Variants in GSE1 observed in about 807,000 individuals in gnomAD.
GSE1 encodes the protein Gse1 coiled-coil protein.
Under a neutral mutation model 112.6 loss-of-function variants are expected in GSE1, and 32 were observed. The observed-to-expected ratio is 0.28, with a 90% CI of 0.21 to 0.38. GSE1 has a LOEUF of 0.38. Ranked by LOEUF, GSE1 falls within the 10% of genes least tolerant of loss-of-function variation. The pLI is 1.00. For synonymous variants in GSE1, 1,115 were observed against 735.6 expected (o/e 1.52, Z -8.35); for missense variants, 2,348 against 1,699.2 (o/e 1.38, Z -6.71).
intron 2 of GSE1, among the ~76,000 whole-genome samples, chr16:85,644,262 C>T (rs528244092): frequency 6.6e-6 from 1 of 151,894 alleles, no homozygotes; most frequent in African/African-American, 2.4e-5. Flanking sequence ...TCACTTGAAC[C>T]CAGGAGGTTG....
intron 2 of GSE1, among the ~76,000 whole-genome samples, chr16:85,643,363 C>T (rs566410058): frequency 2.2e-4 from 34 of 152,318 alleles, no homozygotes; most frequent in South Asian, 1.2e-3. Context: ...GTTGTGGGGG[C>T]ATCGATCGAG....
intron 1 of GSE1, among the ~76,000 whole-genome samples, chr16:85,261,568 A>G (rs890930008): frequency 2.6e-5 from 4 of 152,186 alleles, no homozygotes; most frequent in Non-Finnish European, 5.9e-5. Flanking sequence ...AGGCCAGGAC[A>G]GGCTCAGAGT....
intron 1 of GSE1, among the ~76,000 whole-genome samples, chr16:85,200,044 C>T (rs966014116): frequency 6.6e-6 from 1 of 152,200 alleles, no homozygotes; most frequent in Non-Finnish European, 1.5e-5. Flanking sequence ...TGGGCTGTCA[C>T]CCTGCCTTCT....
chr16:85,383,457 A>C (rs763325665), intron 2 of GSE1, among the ~76,000 whole-genome samples: 1 of 151,232 alleles, frequency 6.6e-6, no homozygotes, highest in Non-Finnish European at 1.5e-5. Flanking sequence ...ACATGTACAC[A>C]CAGTCTGTCA....
intron 1 of GSE1, among the ~76,000 whole-genome samples, chr16:85,231,782 G>A (rs550472300): frequency 2.0e-5 from 3 of 152,298 alleles, no homozygotes; most frequent in South Asian, 4.1e-4. Context: ...GGTTATTTCT[G>A]CTCTTTTCTC....
chr16:85,213,857 C>T (rs2075266732), intron 1 of GSE1, among the ~76,000 whole-genome samples: 1 of 152,244 alleles, frequency 6.6e-6, no homozygotes, highest in South Asian at 2.1e-4. Flanking sequence ...CTCACAGGCC[C>T]TGAGGACAGA....
chr16:85,252,916 C>T (rs992330383), intron 1 of GSE1, among the ~76,000 whole-genome samples: 1 of 152,170 alleles, frequency 6.6e-6, no homozygotes, highest in Non-Finnish European at 1.5e-5. Context: ...CTTGCAGGGG[C>T]CTTCGTGGAG....
chr16:85,635,383 A>G (rs1418383471), intron 2 of GSE1, among the ~76,000 whole-genome samples: 1 of 151,856 alleles, frequency 6.6e-6, no homozygotes, highest in Admixed American at 6.6e-5. Context: ...TTGGCAGGGG[A>G]CTCCCTGGCC....
At chr16:85,298,663 G>A (rs1425809101) in intron 1 of GSE1, among the ~76,000 whole-genome samples, 1 of 152,218 alleles carries the variant, frequency 6.6e-6, no homozygotes, top group Non-Finnish European at 1.5e-5. Flanking sequence ...CTGACCTCAA[G>A]TGATCCACCT....
At chr16:85,371,325 G>A (rs1189740478) in intron 2 of GSE1, among the ~76,000 whole-genome samples, 1 of 152,228 alleles carries the variant, frequency 6.6e-6, no homozygotes, top group African/African-American at 2.4e-5. Flanking sequence ...AGGAGCCAGG[G>A]AGTGGGTCTT....
At chr16:85,662,886 C>T (rs924343565) in intron 9 of GSE1, 95 bp from the exon 10 acceptor site, 1 of 873,454 alleles carries the variant, frequency 1.1e-6, no homozygotes, top group Non-Finnish European at 1.9e-6. Context: ...CAGGCCTGGC[C>T]TGATAGGTGC....
chr16:85,346,644 T>C (rs2046746871), intron 1 of GSE1, among the ~76,000 whole-genome samples: 1 of 147,670 alleles, frequency 6.8e-6, no homozygotes, highest in Non-Finnish European at 1.5e-5. Context: ...GACAGGTAGA[T>C]GGATAAGTGG....
Position 85,311,535 on chromosome 16 carries a change from G to T in GSE1, c.2284-45928G>T, listed in dbSNP as rs1278746111. ...GGGAGGGAGGGAAGGAGGTGCCGGG[G>T]TGCTCACCTTCCCCGAGGCTTTGTT... On this transcript the variant is annotated intron_variant, in intron 1 of 2. Coordinates refer to the GSE1 transcript ENST00000637419. This position sits in a 1 kb window ranked among gnomAD's most constrained non-coding sequence, Gnocchi z 4.2. 1.3e-5 allele frequency among the ~76,000 whole-genome samples: 2 copies of T among 152,110 alleles called. No individual in the cohort carries two copies. Among genetic ancestry groups the T allele is most frequent in the Non-Finnish European group, 2.9e-5 (2 of 68,000 alleles).
chr16:85,429,338 G>A (rs2049065158), intron 2 of GSE1, among the ~76,000 whole-genome samples: 1 of 152,242 alleles, frequency 6.6e-6, no homozygotes, highest in African/African-American at 2.4e-5. Flanking sequence ...GCTCCCCGCA[G>A]GGTCTTCTGT....
At chr16:85,382,215 C>T (rs892838266) in intron 2 of GSE1, among the ~76,000 whole-genome samples, 1 of 152,212 alleles carries the variant, frequency 6.6e-6, no homozygotes, top group Non-Finnish European at 1.5e-5. Context: ...GGCTCATCTC[C>T]CCTGCCTGAT....
intron 1 of GSE1, among the ~76,000 whole-genome samples, chr16:85,199,932 G>A (rs1720311602): frequency 2.0e-5 from 3 of 152,088 alleles, no homozygotes; most frequent in Admixed American, 1.3e-4. Context: ...GTGGGATGTG[G>A]AGGACGAGGG....
intron 1 of GSE1, among the ~76,000 whole-genome samples, chr16:85,239,129 A>C (rs187038690): frequency 6.6e-6 from 1 of 151,992 alleles, no homozygotes; most frequent in Non-Finnish European, 1.5e-5. Context: ...TTGAGGTTTC[A>C]CCATGTTGGC....
intron 2 of GSE1, among the ~76,000 whole-genome samples, chr16:85,445,697 G>T (rs1430457623): frequency 6.6e-6 from 1 of 152,320 alleles, no homozygotes; most frequent in East Asian, 1.9e-4. Flanking sequence ...TGGCCTCTCG[G>T]GGAGCGCGCC....
intron 2 of GSE1, among the ~76,000 whole-genome samples, chr16:85,504,708 G>T (rs1380746281): frequency 6.6e-6 from 1 of 152,178 alleles, no homozygotes; most frequent in Non-Finnish European, 1.5e-5. Context: ...AAATTTATTT[G>T]TCGGGATGTC....
Sources: gnomAD v4.1 joint callset for allele counts (sites outside exome capture counted in the v4.1 genomes callset) on GRCh38, gnomAD v4.1.1 for gene constraint, Gnocchi (gnomAD v3.1) non-coding constraint, MANE v1.5 for transcripts, NCBI Gene and HGNC (gene_info 2026-07-23, HGNC 2026-07-21) for gene names.